TSPAN9: variants seen among roughly 807,000 people sequenced by gnomAD.
TSPAN9 encodes tetraspanin 9.
Under a neutral mutation model 31.0 loss-of-function variants are expected in TSPAN9, and 16 were observed. That is an observed-to-expected ratio of 0.52 (90% CI 0.35 to 0.78). The LOEUF (loss-of-function observed/expected upper bound fraction) is 0.78. Among genes scored for constraint, TSPAN9 ranks in the 30% least tolerant of loss-of-function variants. The probability of loss-of-function intolerance (pLI) is 0.01; values close to 1 mark genes in which losing one functional copy is unlikely to be tolerated. For missense variants in TSPAN9, 272 were observed against 312.5 expected (o/e 0.87, Z 0.98); for synonymous variants, 145 against 121.6 (o/e 1.19, Z -1.27).
chr12:3,244,529 G>T (rs2098398333), intron 3 of TSPAN9, among the ~76,000 whole-genome samples: 1 of 152,338 alleles, frequency 6.6e-6, no homozygotes, highest in Admixed American at 6.5e-5. Context: ...GTGGGCTGGG[G>T]CCTCTGAAGA....
chr12:3,243,494 G>A (rs1292349671), intron 3 of TSPAN9, among the ~76,000 whole-genome samples: 1 of 152,208 alleles, frequency 6.6e-6, no homozygotes, highest in Non-Finnish European at 1.5e-5. Context: ...TTCCCATCAG[G>A]CTGCACCGAT....
chr12:3,200,284 G>C (rs1408729892), intron 2 of TSPAN9: 1 of 152,254 alleles, frequency 6.6e-6, no homozygotes, highest in East Asian at 1.9e-4. Context: ...AAAGCAGGGG[G>C]CGGGGCCGAG....
chr12:3,169,137 G>A (rs542658496), intron 2 of TSPAN9, among the ~76,000 whole-genome samples: 1 of 152,346 alleles, frequency 6.6e-6, no homozygotes, highest in South Asian at 2.1e-4. Context: ...TGCACGTGGA[G>A]TGTGGGAGAG....
chr12:3,111,605 CTTT>C (rs59487749), intron 2 of TSPAN9, among the ~76,000 whole-genome samples: 1 of 136,116 alleles, frequency 7.3e-6, no homozygotes, highest in Admixed American at 7.5e-5. Context: ...CGTGCATTAC[CTTT>C]TTTTTTTTTT....
intron 3 of TSPAN9, among the ~76,000 whole-genome samples, chr12:3,254,930 G>T (rs1171589688): frequency 6.6e-6 from 1 of 152,202 alleles, no homozygotes; most frequent in African/African-American, 2.4e-5. Context: ...CATGTGTGTT[G>T]ACTGTTGAGT....
chr12:3,134,956 G>A (rs2098331439), intron 2 of TSPAN9, among the ~76,000 whole-genome samples: 1 of 152,170 alleles, frequency 6.6e-6, no homozygotes, highest in African/African-American at 2.4e-5. Flanking sequence ...CGCAGGGGCT[G>A]GCTAGCTGTG....
In TSPAN9 at chr12:3,281,308, C is replaced by T. The variant is rs1408598152; in HGVS notation, c.543C>T (p.Ala181=). Residue 181 remains alanine, a synonymous_variant, in exon 7 of 9, where the codon GCC becomes GCT. Coordinates refer to ENST00000011898, the MANE Select transcript of TSPAN9 (RefSeq NM_006675.5). ...MENSQGCGRN[A]TTPLWRTGCY... is the part of the protein sequence containing the mutation. ...ACTCCCAGGGCTGCGGGCGCAACGC[C>T]ACCACGCCTTTGTGGAGAACGGTGA... The T allele has an allele frequency of 1.3e-6, 2 of 1,550,706 alleles. No individual in the cohort carries two copies. Among genetic ancestry groups the T allele is most frequent in the South Asian group, 1.2e-5 (1 of 84,000 alleles).
rs374621651 is a variant in TSPAN9, at chr12:3,170,966, C to T, written c.-17-30211C>T. Among the ~76,000 whole-genome samples the T allele has an allele frequency of 6.7e-4, 102 of 152,280 alleles. No homozygotes were observed. The highest frequency in any genetic ancestry group is 2.4e-3 in the African/African-American group (101 of 41,560). On this transcript the variant is annotated intron_variant, in intron 2 of 8. Transcript: ENST00000011898. The surrounding 1 kb of genome is among the most constrained non-coding windows in gnomAD (Gnocchi z 4.4). The stretch of plus-strand genomic sequence containing the variant: ...AATGTACTGAAAAGCACACTCGTTG[C>T]CTCCCCACTCCTGTGTTCCTTTGTA...
chr12:3,190,631 C>CAGG (rs1279335258), intron 2 of TSPAN9, among the ~76,000 whole-genome samples: 1 of 152,220 alleles, frequency 6.6e-6, no homozygotes, highest in Non-Finnish European at 1.5e-5. Context: ...ACTCTTTGTC[C>CAGG]AGGCAGACTA....
At chr12:3,224,342 C>T (rs186310587) in intron 3 of TSPAN9, among the ~76,000 whole-genome samples, 99 of 152,318 alleles carry the variant, frequency 6.5e-4, no homozygotes, top group African/African-American at 2.0e-3. Context: ...GGCGCCCTCA[C>T]GGGCTGGTGA....
intron 2 of TSPAN9, among the ~76,000 whole-genome samples, chr12:3,094,847 C>CTT (rs61154605): frequency 1.4e-3 from 144 of 101,888 alleles, no homozygotes; most frequent in African/African-American, 5.6e-3. Flanking sequence ...AATCAATAAT[C>CTT]TTTTTTTTTT....
intron 2 of TSPAN9, among the ~76,000 whole-genome samples, chr12:3,105,402 G>A (rs1195870104): frequency 1.3e-5 from 2 of 149,978 alleles, no homozygotes; most frequent in East Asian, 3.9e-4. Context: ...TGCTCCCTGA[G>A]GAAGTAAGGA....
chr12:3,263,608 A>G (rs534093899), intron 3 of TSPAN9, among the ~76,000 whole-genome samples: 3 of 152,328 alleles, frequency 2.0e-5, no homozygotes, highest in East Asian at 3.9e-4. Flanking sequence ...TCGGGCTCCC[A>G]CAATCCATAT....
chr12:3,081,983 C>T (rs556754592), intron 1 of TSPAN9, among the ~76,000 whole-genome samples: 5 of 150,878 alleles, frequency 3.3e-5, no homozygotes, highest in South Asian at 2.1e-4. Flanking sequence ...AGTAACAGAG[C>T]GAGAATTCTG....
At chr12:3,119,081 G>A (rs1005520407) in intron 2 of TSPAN9, among the ~76,000 whole-genome samples, 11 of 152,194 alleles carry the variant, frequency 7.2e-5, no homozygotes, top group African/African-American at 2.4e-4. Context: ...AGCGAAGGTA[G>A]GGGAATGTTG....
chr12:3,230,670 C>T (rs1395939499), intron 3 of TSPAN9, among the ~76,000 whole-genome samples: 3 of 152,036 alleles, frequency 2.0e-5, no homozygotes, highest in Non-Finnish European at 2.9e-5. Context: ...GGGTTTTCCC[C>T]ACACTGCTCT....
chr12:3,261,485 G>C, intron 3 of TSPAN9, among the ~76,000 whole-genome samples: 1 of 152,152 alleles, frequency 6.6e-6, no homozygotes, highest in East Asian at 1.9e-4. Context: ...ATGGGCCCCA[G>C]GTCCAAGCTG....
intron 3 of TSPAN9, among the ~76,000 whole-genome samples, chr12:3,259,010 G>T (rs986047010): frequency 6.6e-6 from 1 of 152,144 alleles, no homozygotes; most frequent in African/African-American, 2.4e-5. Flanking sequence ...GAAATAGAGT[G>T]TGGGTCTGAG....
chr12:3,114,151 A>G (rs1245326368), intron 2 of TSPAN9, among the ~76,000 whole-genome samples: 3 of 152,158 alleles, frequency 2.0e-5, no homozygotes, highest in African/African-American at 4.8e-5. Flanking sequence ...TGCAGACCAT[A>G]TGGTCTCTGC....
Sources: gnomAD v4.1 joint callset for allele counts (sites outside exome capture counted in the v4.1 genomes callset) on GRCh38, gnomAD v4.1.1 for gene constraint, Gnocchi (gnomAD v3.1) non-coding constraint, MANE v1.5 for transcripts, NCBI Gene and HGNC (gene_info 2026-07-23, HGNC 2026-07-21) for gene names.